Variants in PSMD1 observed in about 807,000 individuals in gnomAD.
PSMD1 encodes proteasome 26S subunit, non-ATPase 1, also known as 26S proteasome non-ATPase regulatory subunit 1.
Under a neutral mutation model 119.0 loss-of-function variants are expected in PSMD1, and 18 were observed. That is an observed-to-expected ratio of 0.15 (90% CI 0.10 to 0.22). The LOEUF (loss-of-function observed/expected upper bound fraction) is 0.22. Ranked by LOEUF, PSMD1 falls within the 10% of genes least tolerant of loss-of-function variation. The pLI, the probability that PSMD1 is intolerant of heterozygous loss-of-function variation, is 1.00. For synonymous variants in PSMD1, 374 were observed against 396.6 expected (o/e 0.94, Z 0.68); for missense variants, 702 against 1,158.5 (o/e 0.61, Z 5.72).
chr2:231,121,809 T>C (rs974818031), intron 16 of PSMD1, among the ~76,000 whole-genome samples: 1 of 152,210 alleles, frequency 6.6e-6, no homozygotes, highest in Non-Finnish European at 1.5e-5. Flanking sequence ...CATAATTCTT[T>C]CAATATCATG....
At chr2:231,089,655 C>CA (rs935410855) in intron 16 of PSMD1, among the ~76,000 whole-genome samples, 12 of 151,820 alleles carry the variant, frequency 7.9e-5, no homozygotes, top group Non-Finnish European at 1.3e-4. Context: ...CACAAGGTCC[C>CA]ACAATAGGCT....
chr2:231,115,553 CA>C (rs1695301045), intron 16 of PSMD1, among the ~76,000 whole-genome samples: 1 of 152,084 alleles, frequency 6.6e-6, no homozygotes, highest in Non-Finnish European at 1.5e-5. Context: ...TCATACTTTT[CA>C]GTGTATTACT....
intron 16 of PSMD1, among the ~76,000 whole-genome samples, chr2:231,127,588 C>A (rs1234104763): frequency 6.6e-6 from 1 of 152,134 alleles, no homozygotes; most frequent in African/African-American, 2.4e-5. Flanking sequence ...CTCTTGACCT[C>A]AAGTGATCGC....
intron 16 of PSMD1, among the ~76,000 whole-genome samples, chr2:231,116,525 T>A (rs1001359662): frequency 1.3e-5 from 2 of 151,988 alleles, no homozygotes; most frequent in Non-Finnish European, 2.9e-5. Context: ...TTTGGAAAAT[T>A]CTAGTCATAA....
intron 16 of PSMD1, among the ~76,000 whole-genome samples, chr2:231,120,961 A>G (rs1261829225): frequency 6.6e-6 from 1 of 152,214 alleles, no homozygotes; most frequent in Non-Finnish European, 1.5e-5. Flanking sequence ...AGGTTATAAA[A>G]ATATCTTGGT....
chr2:231,067,430 T>A (rs1193772733), intron 5 of PSMD1, among the ~76,000 whole-genome samples: 1 of 152,196 alleles, frequency 6.6e-6, no homozygotes, highest in African/African-American at 2.4e-5. Context: ...TCAGCTAGAT[T>A]CCTGGTTTGC....
At position 231,093,266 on chromosome 2, in the gene PSMD1, C is replaced by A. The variant is rs759083473; in HGVS notation, c.1883+6085C>A. Among the ~76,000 whole-genome samples the A allele has an allele frequency of 2.6e-5, 4 of 152,214 alleles. No individual in the cohort carries two copies. The South Asian group carries it at 6.2e-4, about 24-fold the overall frequency. The stretch of plus-strand genomic sequence containing the variant: ...AGTGAGAGATTAAGAAGGGTTAATA[C>A]CCTATGAGAGTTGCAGTGTACAACA... On this transcript the variant is annotated intron_variant, in intron 16 of 24. Coordinates refer to ENST00000308696, the MANE Select transcript of PSMD1 (RefSeq NM_002807.4).
chr2:231,162,785 C>G (rs1215917532), intron 20 of PSMD1, among the ~76,000 whole-genome samples: 4 of 150,166 alleles, frequency 2.7e-5, no homozygotes, highest in Non-Finnish European at 5.9e-5. Flanking sequence ...TGAGATTGCA[C>G]CACTGCACTC....
chr2:231,102,239 G>A (rs1014854533), intron 16 of PSMD1, among the ~76,000 whole-genome samples: 2 of 152,156 alleles, frequency 1.3e-5, no homozygotes, highest in African/African-American at 4.8e-5. Flanking sequence ...AAAAGTTCGT[G>A]TGACTCACTT....
At chr2:231,070,506 T>C (rs1202541042) in intron 6 of PSMD1, among the ~76,000 whole-genome samples, 1 of 152,150 alleles carries the variant, frequency 6.6e-6, no homozygotes, top group East Asian at 1.9e-4. Flanking sequence ...TGCTATACTA[T>C]ATCATTCTAA....
chr2:231,113,566 G>A (rs898456755), intron 16 of PSMD1, among the ~76,000 whole-genome samples: 5 of 152,186 alleles, frequency 3.3e-5, no homozygotes, highest in African/African-American at 1.2e-4. Context: ...TGTTTTAGAA[G>A]GCGTATGATA....
intron 16 of PSMD1, among the ~76,000 whole-genome samples, chr2:231,089,167 T>C (rs1694524678): frequency 6.6e-6 from 1 of 152,018 alleles, no homozygotes; most frequent in Admixed American, 6.6e-5. Context: ...TTCATGAAGT[T>C]TGGGGAAAGA....
At chr2:231,088,388 C>A (rs763171678) in intron 16 of PSMD1, among the ~76,000 whole-genome samples, 1 of 152,216 alleles carries the variant, frequency 6.6e-6, no homozygotes, top group African/African-American at 2.4e-5. Context: ...TTTGCAGATA[C>A]TGCATTTGTT....
At chr2:231,149,277 A>G (rs1696319093) in intron 18 of PSMD1, among the ~76,000 whole-genome samples, 1 of 152,202 alleles carries the variant, frequency 6.6e-6, no homozygotes, top group African/African-American at 2.4e-5. Context: ...TAACAAGGGT[A>G]ATGTTCTTTT....
intron 16 of PSMD1, among the ~76,000 whole-genome samples, chr2:231,132,855 T>C (rs1695884308): frequency 6.6e-6 from 1 of 152,128 alleles, no homozygotes. Flanking sequence ...AACAAGGCAA[T>C]TGGAAACAGA....
intron 16 of PSMD1, among the ~76,000 whole-genome samples, chr2:231,107,932 A>AT (rs1032748769): frequency 6.6e-6 from 1 of 152,216 alleles, no homozygotes; most frequent in Admixed American, 6.5e-5. Flanking sequence ...AGTTCTTGTT[A>AT]TTTTGTGTGA....
At position 231,170,643 on chromosome 2, in the gene PSMD1, T is replaced by G; in HGVS notation, c.2793T>G (p.His931Gln). Reference protein sequence around the residue: ...IEELVEPVAAHGPKIEEEEQE... With the variant: ...IEELVEPVAAQGPKIEEEEQE... Reference sequence around the variant, plus strand: ...AGCTGGTGGAACCTGTGGCAGCACATGGCCCAAAAATCGAGGAGGAGGAAC... The same window carrying G: ...AGCTGGTGGAACCTGTGGCAGCACAGGGCCCAAAAATCGAGGAGGAGGAAC... The change falls in exon 24 of 25, where the codon CAT (histidine) becomes CAG (glutamine). Residue 931 changes from histidine (H) to glutamine (Q), a missense_variant. Physicochemically the swap from His to Gln is conservative, Grantham distance 24. Around this residue, in one of 9 missense-constraint regions of PSMD1, gnomAD observed 152 missense variants for 239.3 expected, o/e 0.64. Coordinates refer to ENST00000308696, the MANE Select transcript of PSMD1 (RefSeq NM_002807.4). The surrounding 1 kb of genome is among the most constrained non-coding windows in gnomAD (Gnocchi z 4.1). The G allele has an allele frequency of 2.5e-6, 4 of 1,614,094 alleles. No individual in the cohort carries two copies. The highest frequency in any genetic ancestry group is 3.4e-6 in the Non-Finnish European group (4 of 1,179,982).
Position 231,102,042 on chromosome 2 carries a change from C to T in PSMD1, c.1883+14861C>T, listed in dbSNP as rs546379734. The stretch of plus-strand genomic sequence containing the variant: ...ACTGTGTTGCCCAGGCTCATCTTGA[C>T]CTCTGGCCTTAGGAGATCCTCCTGT... On this transcript the variant is annotated intron_variant, in intron 16 of 24. Transcript: ENST00000308696. Among the ~76,000 whole-genome samples, 35 of 152,288 alleles carry T rather than the reference C, an allele frequency of 2.3e-4. No individual in the cohort carries two copies. The South Asian group carries it at 3.3e-3, about 14-fold the overall frequency.
At chr2:231,150,029 G>A (rs1024357800) in intron 18 of PSMD1, among the ~76,000 whole-genome samples, 1 of 152,066 alleles carries the variant, frequency 6.6e-6, no homozygotes, top group Non-Finnish European at 1.5e-5. Flanking sequence ...GCTAAATACG[G>A]AGATTTGGGA....
Sources: allele counts gnomAD v4.1 joint callset (sites outside exome capture counted in the v4.1 genomes callset), GRCh38; gene constraint gnomAD v4.1.1; regional missense constraint gnomAD v4.1.1; non-coding constraint Gnocchi (gnomAD v3.1); transcripts MANE v1.5; gene names NCBI Gene and HGNC (gene_info 2026-07-23, HGNC 2026-07-21).